Variants in BEND7 observed in about 807,000 individuals in gnomAD.
BEND7 encodes the protein BEN domain containing 7, also known as BEN domain-containing protein 7.
Under a neutral mutation model 50.9 loss-of-function variants are expected in BEND7, and 28 were observed. That is an observed-to-expected ratio of 0.55 (90% CI 0.41 to 0.75). BEND7 has a LOEUF of 0.75. Ranked by LOEUF, BEND7 falls within the 30% of genes least tolerant of loss-of-function variation. BEND7 has a pLI of 0.00. For missense variants in BEND7, 477 were observed against 491.3 expected, an observed-to-expected ratio of 0.97 and a Z score of 0.28; for synonymous variants, 170 against 183.9, an observed-to-expected ratio of 0.92 and a Z score of 0.61.
intron 6 of BEND7, among the ~76,000 whole-genome samples, chr10:13,466,373 A>AACATG (rs760758282): frequency 5.9e-5 from 9 of 152,228 alleles, no homozygotes; most frequent in Non-Finnish European, 1.0e-4. Flanking sequence ...CAGCCTGGCC[A>AACATG]ACATGCCGAA....
At chr10:13,449,392 A>C (rs755852099) in intron 7 of BEND7, among the ~76,000 whole-genome samples, 1 of 152,152 alleles carries the variant, frequency 6.6e-6, no homozygotes, top group African/African-American at 2.4e-5. Context: ...AACCCTTAGG[A>C]CACTCTACAA....
At chr10:13,505,417 G>A (rs2077801843) in intron 2 of BEND7, among the ~76,000 whole-genome samples, 1 of 152,182 alleles carries the variant, frequency 6.6e-6, no homozygotes, top group Non-Finnish European at 1.5e-5. Flanking sequence ...GGAAACCTGT[G>A]TGGATAACGC....
At chr10:13,496,263 C>G (rs2077008158) in intron 4 of BEND7, among the ~76,000 whole-genome samples, 1 of 152,248 alleles carries the variant, frequency 6.6e-6, no homozygotes, top group Non-Finnish European at 1.5e-5. Context: ...ATCCACTGCT[C>G]TTCCGTCCCT....
chr10:13,472,527 G>C (rs2074972223), intron 6 of BEND7, among the ~76,000 whole-genome samples: 1 of 150,470 alleles, frequency 6.6e-6, no homozygotes, highest in African/African-American at 2.4e-5. Context: ...CTTGGGGCTG[G>C]TACCCGTCAT....
intron 6 of BEND7, chr10:13,480,669 G>A (rs2094899229): frequency 1.0e-6 from 1 of 984,932 alleles, no homozygotes; most frequent in African/African-American, 1.7e-5. Flanking sequence ...AGGTCAAACT[G>A]GCTCTTAAAT....
At chr10:13,464,683 A>G (rs1429318775) in intron 6 of BEND7, among the ~76,000 whole-genome samples, 2 of 152,230 alleles carry the variant, frequency 1.3e-5, no homozygotes, top group African/African-American at 2.4e-5. Flanking sequence ...ACCACATTCA[A>G]GATGAAGAGG....
chr10:13,478,481 T>G (rs925652185), intron 6 of BEND7, among the ~76,000 whole-genome samples: 11 of 152,182 alleles, frequency 7.2e-5, no homozygotes, highest in African/African-American at 2.7e-4. Context: ...TACAAGAAAT[T>G]ATCAGAATAA....
chr10:13,502,866 C>T, intron 2 of BEND7: 34 of 984,404 alleles, frequency 3.5e-5, no homozygotes, highest in Non-Finnish European at 4.1e-5. Flanking sequence ...CCCACCCCGG[C>T]TCTCAAGTCC....
At chr10:13,468,433 G>T (rs1014486468) in intron 6 of BEND7, among the ~76,000 whole-genome samples, 2 of 152,146 alleles carry the variant, frequency 1.3e-5, no homozygotes, top group Non-Finnish European at 2.9e-5. Context: ...TGGCTCACCC[G>T]GGAGGAAGCA....
At chr10:13,443,966 T>C (rs1429659236) in intron 8 of BEND7, 2 of 152,216 alleles carry the variant, frequency 1.3e-5, no homozygotes, top group African/African-American at 4.8e-5. Context: ...AAAATGCCAA[T>C]TTATGACAAT....
At chr10:13,481,497 T>C (rs1295936018) in intron 5 of BEND7, among the ~76,000 whole-genome samples, 1 of 152,130 alleles carries the variant, frequency 6.6e-6, no homozygotes, top group Non-Finnish European at 1.5e-5. Flanking sequence ...AAAAAAAAGA[T>C]TGAGAAATAA....
At chr10:13,493,886 A>C (rs756544584) in intron 4 of BEND7, among the ~76,000 whole-genome samples, 4 of 152,220 alleles carry the variant, frequency 2.6e-5, no homozygotes, top group Non-Finnish European at 4.4e-5. Context: ...GTGAAAACTA[A>C]AGGTCTTTAA....
chr10:13,502,717 G>C (rs1226010526), intron 2 of BEND7: 1 of 158,286 alleles, frequency 6.3e-6, no homozygotes, highest in Non-Finnish European at 1.4e-5. Context: ...TCCACCCACA[G>C]CCCTCCCCAT....
intron 6 of BEND7, among the ~76,000 whole-genome samples, chr10:13,468,223 A>G (rs555917636): frequency 2.0e-5 from 3 of 152,280 alleles, no homozygotes; most frequent in Admixed American, 6.5e-5. Context: ...TGGTACTGGC[A>G]CTCAGAGAAA....
At chr10:13,462,818 G>T (rs1409412031) in intron 6 of BEND7, among the ~76,000 whole-genome samples, 3 of 152,052 alleles carry the variant, frequency 2.0e-5, no homozygotes, top group Non-Finnish European at 4.4e-5. Flanking sequence ...CAACAATCAA[G>T]TATATTAAGA....
intron 6 of BEND7, among the ~76,000 whole-genome samples, chr10:13,468,883 C>G (rs2074519408): frequency 6.6e-6 from 1 of 152,218 alleles, no homozygotes; most frequent in Non-Finnish European, 1.5e-5. Flanking sequence ...GGTTAGGTGG[C>G]CCATGCCACC....
At chr10:13,439,519 G>C (rs757250254), downstream of BEND7, 2 of 1,548,052 alleles carry the variant, frequency 1.3e-6, no homozygotes, top group Admixed American at 1.8e-5. Context: ...ATGAATGAGT[G>C]AATGAATGAA....
chr10:13,528,344 C>A, intron 1 of BEND7, 129 bp downstream of exon 1: 1 of 258,258 alleles, frequency 3.9e-6, no homozygotes, highest in Non-Finnish European at 6.0e-6. Flanking sequence ...CCTGCCAGCC[C>A]GGCGGAGGCA....
chr10:13,488,752 G>C (rs912994920), intron 5 of BEND7, among the ~76,000 whole-genome samples: 2 of 152,224 alleles, frequency 1.3e-5, no homozygotes, highest in African/African-American at 4.8e-5. Flanking sequence ...CTCCCAAAGT[G>C]CTGGGATTAC....
Sources: allele counts gnomAD v4.1 joint callset (sites outside exome capture counted in the v4.1 genomes callset), GRCh38; gene constraint gnomAD v4.1.1; transcripts MANE v1.5; gene names NCBI Gene and HGNC (gene_info 2026-07-23, HGNC 2026-07-21).